The following LIN7B variants were observed in gnomAD, a reference collection of about 807,000 sequenced individuals.
LIN7B encodes the protein protein lin-7 homolog B.
Under a neutral mutation model 27.9 loss-of-function variants are expected in LIN7B, and 16 were observed. That is an observed-to-expected ratio of 0.57 (90% CI 0.39 to 0.87). The LOEUF (loss-of-function observed/expected upper bound fraction) is 0.87. Among genes scored for constraint, LIN7B ranks in the 40% least tolerant of loss-of-function variants. LIN7B has a pLI of 0.00. For missense variants in LIN7B, 291 were observed against 288.5 expected (o/e 1.01, Z -0.06); for synonymous variants, 147 against 120.8 (o/e 1.22, Z -1.42).
chr19:49,116,035 C>A, intron 3 of LIN7B: 1 of 457,738 alleles, frequency 2.2e-6, no homozygotes, highest in Non-Finnish European at 3.9e-6. Flanking sequence ...GTAAGATTGG[C>A]AAGTATGGGG....
At chr19:49,115,220 G>T in intron 2 of LIN7B, 40 bp from the exon 3 acceptor site, 1 of 1,533,344 alleles carries the variant, frequency 6.5e-7, no homozygotes, top group Non-Finnish European at 8.8e-7. Context: ...TAGGGCTGGA[G>T]GAGCTGGCGA....
chr19:49,115,155 G>A, intron 2 of LIN7B, 105 bp from the exon 3 acceptor site: 3 of 1,066,842 alleles, frequency 2.8e-6, no homozygotes, highest in South Asian at 1.7e-5. Context: ...TGCGGGGGCG[G>A]GGCGGATCCT....
intron 3 of LIN7B, 128 bp downstream of exon 3, chr19:49,115,459 T>C: frequency 1.3e-6 from 1 of 791,920 alleles, no homozygotes; most frequent in Non-Finnish European, 2.0e-6. Flanking sequence ...CACCTTACTA[T>C]TAGTAAATAA....
At chr19:49,118,043 C>T (rs766579599) in intron 5 of LIN7B, 25 bp downstream of exon 5, 1 of 1,612,360 alleles carries the variant, frequency 6.2e-7, no homozygotes, top group African/African-American at 1.3e-5. Context: ...CACCACACCC[C>T]TGGGGCCTCC....
Position 49,116,480 on chromosome 19 carries a change from G to C in LIN7B, c.438+8G>C. On this transcript the variant is annotated splice_region_variant and intron_variant, in intron 4 of 5. Transcript: ENST00000221459. ...TTGTCGGTGAACGGTGTGGTGAGTG[G>C]AGGGCTGAGGCAGGACTGGGGGACA... 1 of 1,612,222 alleles carries C rather than the reference G, an allele frequency of 6.2e-7. No homozygotes were observed. Among genetic ancestry groups the C allele is most frequent in the African/African-American group, 1.3e-5 (1 of 75,030 alleles).
intron 4 of LIN7B, 46 bp downstream of exon 4, chr19:49,116,518 C>G (rs757937748): frequency 3.4e-5 from 52 of 1,527,302 alleles, no homozygotes; most frequent in Middle Eastern, 1.8e-4. Flanking sequence ...GTCTGTCTAA[C>G]GTAGCATAGC....
At chr19:49,114,678 C>A (rs2040794800) in intron 1 of LIN7B, 171 bp from the exon 2 acceptor site, 1 of 446,724 alleles carries the variant, frequency 2.2e-6, no homozygotes, top group Non-Finnish European at 3.7e-6. Context: ...GGCCGCAGGG[C>A]CGCTGGTGGC....
In LIN7B at chr19:49,116,339, G is replaced by T; in HGVS notation, c.305G>T (p.Gly102Val). ...RVVELPKTDEGLGFNIMGGKE... is the reference protein window; with the variant it reads ...RVVELPKTDEVLGFNIMGGKE... ...GTGGAGCTACCCAAGACGGATGAGG[G>T]CCTAGGCTTCAACATCATGGGTGGC... is the stretch of plus-strand genomic sequence containing the variant. Residue 102 changes from glycine to valine, a missense_variant, in exon 4 of 6, where the codon GGC becomes GTC. Coordinates refer to ENST00000221459, the MANE Select transcript of LIN7B (RefSeq NM_022165.3). 6.2e-7 allele frequency: 1 copy of T among 1,614,174 alleles called. No homozygotes were observed. The highest frequency in any genetic ancestry group is 8.5e-7 in the Non-Finnish European group (1 of 1,180,020).
rs1165098500 is a variant in LIN7B at position 49,118,345 on chromosome 19, C to G, written c.603-7C>G. On this transcript the variant is annotated splice_region_variant and splice_polypyrimidine_tract_variant and intron_variant, in intron 5 of 5. Coordinates refer to ENST00000221459, the MANE Select transcript of LIN7B (RefSeq NM_022165.3). ...GATCCCGGGTCCCTTGTCCACCCCC[C>G]TTGCAGGTCCTTGGAGTCTCGAGGT... 3.1e-6 allele frequency: 5 copies of G among 1,614,070 alleles called. No individual in the cohort carries two copies. The African/African-American group carries it at 6.7e-5, about 22-fold the overall frequency.
intron 4 of LIN7B, among the ~76,000 whole-genome samples, chr19:49,117,608 G>A (rs111620014): frequency 0.041 from 6,220 of 152,196 alleles, 143 homozygotes; most frequent in Middle Eastern, 0.085. Context: ...GGGCAGGGAG[G>A]CCACAAAGAT....
chr19:49,116,502 GAC>G (rs1331204273), intron 4 of LIN7B, 30 bp downstream of exon 4: 1 of 1,580,892 alleles, frequency 6.3e-7, no homozygotes, highest in Non-Finnish European at 8.7e-7. Flanking sequence ...AGGACTGGGG[GAC>G]ACAGTCTGTC....
At position 49,118,385 on chromosome 19, in the gene LIN7B, T is replaced by G; in HGVS notation, c.*12T>G. 1 of 1,614,056 alleles carries G rather than the reference T, an allele frequency of 6.2e-7. No individual in the cohort carries two copies. Among genetic ancestry groups the G allele is most frequent in the Non-Finnish European group, 8.5e-7 (1 of 1,179,862 alleles). The stretch of plus-strand genomic sequence containing the variant: ...AGTCTCGAGGTTGAAACCACAGATC[T>G]GGACGTTCACGTGCACTCTCTTCCT... On this transcript the variant is annotated 3_prime_UTR_variant, in exon 6 of 6. Transcript: ENST00000221459.
chr19:49,115,062 C>T (rs2040803518), intron 2 of LIN7B, 95 bp downstream of exon 2: 1 of 977,940 alleles, frequency 1.0e-6, no homozygotes, highest in East Asian at 3.2e-5. Context: ...CGCCTCCCGG[C>T]AGCTCCCGAG....
At chr19:49,117,223 G>A (rs747199066) in intron 4 of LIN7B, among the ~76,000 whole-genome samples, 106 of 147,850 alleles carry the variant, frequency 7.2e-4, no homozygotes, top group Non-Finnish European at 1.2e-3. Context: ...TCCAGCGTGG[G>A]TGACAGAGTG....
chr19:49,117,748 CA>C, intron 4 of LIN7B, 106 bp from the exon 5 acceptor site: 1 of 937,838 alleles, frequency 1.1e-6, no homozygotes, highest in Non-Finnish European at 1.7e-6. Flanking sequence ...GAGGCATTGA[CA>C]TCTCAGGGCT....
intron 3 of LIN7B, 163 bp from the exon 4 acceptor site, chr19:49,116,100 C>T (rs970051466): frequency 1.5e-5 from 9 of 596,558 alleles, no homozygotes; most frequent in South Asian, 1.3e-4. Flanking sequence ...CAGAAAGAGA[C>T]GCACAGTCAT....
Position 49,114,888 on chromosome 19 carries a change from G to T in LIN7B, c.77G>T (p.Arg26Leu). Reference protein sequence around the residue: ...RAVELLERLQRSGELPPQKLQ... With the variant: ...RAVELLERLQLSGELPPQKLQ... ...GTTGAGCTCCTCGAGCGGCTCCAGC[G>T]CAGCGGGGAGCTGCCGCCGCAGAAG... Residue 26 changes from arginine to leucine, a missense_variant, in exon 2 of 6, where the codon CGC becomes CTC. Arg to Leu is a moderately radical substitution (Grantham distance 102). Transcript: ENST00000221459. The T allele has an allele frequency of 6.8e-7, 1 of 1,468,968 alleles. No homozygotes were observed. 91.0% of individuals were successfully genotyped at this position (1,468,968 alleles called of 1,614,324 possible).
At chr19:49,114,671 C>T (rs1467614606) in intron 1 of LIN7B, 178 bp from the exon 2 acceptor site, 2 of 447,450 alleles carry the variant, frequency 4.5e-6, no homozygotes, top group Non-Finnish European at 7.4e-6. Context: ...GTCCCGGGGC[C>T]GCAGGGCCGC....
intron 1 of LIN7B, 131 bp from the exon 2 acceptor site, chr19:49,114,718 G>C (rs934830776): frequency 2.7e-5 from 14 of 515,908 alleles, no homozygotes; most frequent in African/African-American, 2.4e-4. Flanking sequence ...TGGACTCTGC[G>C]GGGTGTCCGA....
Sources: gnomAD v4.1 joint callset for allele counts (sites outside exome capture counted in the v4.1 genomes callset) on GRCh38, gnomAD v4.1.1 for gene constraint, MANE v1.5 for transcripts, NCBI Gene and HGNC (gene_info 2026-07-23, HGNC 2026-07-21) for gene names.